BMPR1B: variants seen among roughly 807,000 people sequenced by gnomAD.
BMPR1B encodes bone morphogenetic protein receptor type-1B.
In BMPR1B, 12 loss-of-function variants were observed where a neutral mutation model predicts 59.1. That is an observed-to-expected ratio of 0.20 (90% CI 0.13 to 0.33). The LOEUF (loss-of-function observed/expected upper bound fraction) is 0.33, where lower values mean the gene tolerates loss of function less well. Ranked by LOEUF, BMPR1B falls within the 10% of genes least tolerant of loss-of-function variation. The pLI is 1.00. For missense variants in BMPR1B, 550 were observed against 610.9 expected (o/e 0.90, Z 1.05); for synonymous variants, 237 against 207.3 (o/e 1.14, Z -1.23).
chr4:95,060,279 C>T (rs1279639697), intron 3 of BMPR1B, among the ~76,000 whole-genome samples: 1 of 152,146 alleles, frequency 6.6e-6, no homozygotes. Context: ...TATTCTTTCC[C>T]TACAGATAGA....
intron 2 of BMPR1B, among the ~76,000 whole-genome samples, chr4:94,896,193 G>GT (rs1560536493): frequency 6.6e-6 from 1 of 151,838 alleles, no homozygotes; most frequent in Non-Finnish European, 1.5e-5. Context: ...TTTGAAAAAA[G>GT]TTTATCCTCT....
chr4:94,824,634 T>C (rs948915412), intron 1 of BMPR1B, among the ~76,000 whole-genome samples: 1 of 152,220 alleles, frequency 6.6e-6, no homozygotes, highest in Non-Finnish European at 1.5e-5. Flanking sequence ...ATTAATTTTG[T>C]CTGAGAGAAT....
At chr4:95,124,028 G>T (rs902984382) in intron 7 of BMPR1B, 122 bp downstream of exon 7, 1 of 693,348 alleles carries the variant, frequency 1.4e-6, no homozygotes, top group Non-Finnish European at 2.5e-6. Flanking sequence ...AGATCTTATA[G>T]TTAACTGAAA....
chr4:94,906,999 TATCTC>T (rs1398646897), intron 2 of BMPR1B, among the ~76,000 whole-genome samples: 1 of 152,174 alleles, frequency 6.6e-6, no homozygotes, highest in East Asian at 1.9e-4. Context: ...TCCATATAGA[TATCTC>T]AGAATGTTTC....
At chr4:94,990,065 A>G (rs1721640581) in intron 2 of BMPR1B, among the ~76,000 whole-genome samples, 1 of 152,230 alleles carries the variant, frequency 6.6e-6, no homozygotes, top group African/African-American at 2.4e-5. Context: ...AGTAACGAAA[A>G]TATAAGTTGA....
rs1262751286 is a variant in BMPR1B at position 94,794,716 on chromosome 4, C to T, written c.-183+36648C>T. On this transcript the variant is annotated intron_variant, in intron 1 of 12. Coordinates refer to ENST00000515059, the MANE Select transcript of BMPR1B (RefSeq NM_001203.3). ...TCCTTGAGCAGTGGTTTGTAGTTCTCCTTGAAGAGGTCCTTCACATCCCTT... is the reference window on the plus strand; with the variant it reads ...TCCTTGAGCAGTGGTTTGTAGTTCTTCTTGAAGAGGTCCTTCACATCCCTT... Among the ~76,000 whole-genome samples the T allele has an allele frequency of 3.9e-5, 6 of 151,990 alleles. No homozygotes were observed. In the East Asian group the frequency reaches 1.2e-3, roughly 29 times the overall value.
At chr4:95,032,921 C>T (rs1724982691) in intron 3 of BMPR1B, among the ~76,000 whole-genome samples, 1 of 152,148 alleles carries the variant, frequency 6.6e-6, no homozygotes, top group South Asian at 2.1e-4. Context: ...ATAGCTGCCA[C>T]ACTATTTTAC....
At chr4:95,064,167 A>G (rs1488559131) in intron 3 of BMPR1B, among the ~76,000 whole-genome samples, 1 of 152,212 alleles carries the variant, frequency 6.6e-6, no homozygotes, top group Non-Finnish European at 1.5e-5. Context: ...AAAAGCAATA[A>G]TAGAAAAAAA....
chr4:95,124,973 C>A lies in BMPR1B; in HGVS notation c.447-10C>A, dbSNP rs1175765711. Reference sequence around the variant, plus strand: ...ATTATCTAAAATTATCTTCATCTATCCATCTTTAGGTATAAAAGACAAGAA... The same window carrying A: ...ATTATCTAAAATTATCTTCATCTATACATCTTTAGGTATAAAAGACAAGAA... On this transcript the variant is annotated splice_polypyrimidine_tract_variant and intron_variant, in intron 7 of 12. Coordinates refer to ENST00000515059, the MANE Select transcript of BMPR1B (RefSeq NM_001203.3). 1 of 1,608,492 alleles carries A rather than the reference C, an allele frequency of 6.2e-7. No homozygotes were observed. The highest frequency in any genetic ancestry group is 8.5e-7 in the Non-Finnish European group (1 of 1,175,166).
chr4:94,837,567 G>T (rs373213952), intron 1 of BMPR1B, among the ~76,000 whole-genome samples: 2 of 144,088 alleles, frequency 1.4e-5, no homozygotes, highest in South Asian at 2.3e-4. Context: ...TTTGTCTGTT[G>T]TTGGTGTATA....
intron 2 of BMPR1B, among the ~76,000 whole-genome samples, chr4:94,899,215 G>T (rs1727706796): frequency 6.6e-6 from 1 of 151,764 alleles, no homozygotes; most frequent in Non-Finnish European, 1.5e-5. Flanking sequence ...GTGGCATTTA[G>T]GGCCTATGTG....
At chr4:95,046,079 CT>C (rs935467413) in intron 3 of BMPR1B, among the ~76,000 whole-genome samples, 11 of 151,336 alleles carry the variant, frequency 7.3e-5, no homozygotes, top group Admixed American at 2.0e-4. Flanking sequence ...TATAATTTGA[CT>C]TTTTTTTTGA....
rs1167512348 is a variant in BMPR1B at position 94,757,956 on chromosome 4, G to A, written c.-295G>A. The A allele has an allele frequency of 8.1e-5, 12 of 147,246 alleles. No homozygotes were observed. Among genetic ancestry groups the A allele is most frequent in the African/African-American group, 3.0e-4 (12 of 39,722 alleles). 9.1% of individuals were successfully genotyped at this position (147,246 alleles called of 1,614,324 possible). On this transcript the variant is annotated 5_prime_UTR_variant, in exon 1 of 13. Coordinates refer to ENST00000515059, the MANE Select transcript of BMPR1B (RefSeq NM_001203.3). ...GGCGGCGGAGCGGCCGCGGCGGCCAGAAGTTGACGGCGCAGCCGGGCGCGG... is the reference window on the plus strand; with the variant it reads ...GGCGGCGGAGCGGCCGCGGCGGCCAAAAGTTGACGGCGCAGCCGGGCGCGG...
At chr4:95,113,605 T>TAA (rs1731788821) in intron 4 of BMPR1B, among the ~76,000 whole-genome samples, 1 of 152,156 alleles carries the variant, frequency 6.6e-6, no homozygotes, top group Non-Finnish European at 1.5e-5. Context: ...GTTTAGTACT[T>TAA]TATTTCTTAA....
chr4:94,841,633 C>T (rs938488287), intron 1 of BMPR1B, among the ~76,000 whole-genome samples: 7 of 152,150 alleles, frequency 4.6e-5, no homozygotes, highest in Admixed American at 1.3e-4. Flanking sequence ...GCACACGGTG[C>T]GCGCACCCAC....
At chr4:94,876,623 TAGATA>T (rs1726741796) in intron 2 of BMPR1B, among the ~76,000 whole-genome samples, 1 of 152,326 alleles carries the variant, frequency 6.6e-6, no homozygotes, top group African/African-American at 2.4e-5. Context: ...CAGGATTATG[TAGATA>T]GTTAAGTGGT....
At chr4:94,987,618 C>T (rs1721498214) in intron 2 of BMPR1B, among the ~76,000 whole-genome samples, 1 of 152,050 alleles carries the variant, frequency 6.6e-6, no homozygotes, top group South Asian at 2.1e-4. Flanking sequence ...GGGAATCCAC[C>T]AATCTTTGCT....
At chr4:95,133,076 G>T (rs1285482825) in intron 10 of BMPR1B, among the ~76,000 whole-genome samples, 4 of 152,002 alleles carry the variant, frequency 2.6e-5, no homozygotes, top group Non-Finnish European at 4.4e-5. Context: ...TTAATATTAG[G>T]TATCTGACAT....
At chr4:94,905,526 T>C (rs1578785599) in intron 2 of BMPR1B, among the ~76,000 whole-genome samples, 1 of 152,110 alleles carries the variant, frequency 6.6e-6, no homozygotes, top group East Asian at 1.9e-4. Flanking sequence ...AAAATAAGGC[T>C]TTTTAAGGCT....
Sources: gnomAD v4.1 joint callset for allele counts (sites outside exome capture counted in the v4.1 genomes callset) on GRCh38, gnomAD v4.1.1 for gene constraint, MANE v1.5 for transcripts, NCBI Gene and HGNC (gene_info 2026-07-23, HGNC 2026-07-21) for gene names.